The following EMCN variants were observed in gnomAD, a reference collection of about 807,000 sequenced individuals.
EMCN encodes MUC-14.
Under a neutral mutation model 38.4 loss-of-function variants are expected in EMCN, and 37 were observed. That is an observed-to-expected ratio of 0.96 (90% CI 0.74 to 1.27). EMCN has a LOEUF of 1.27. Among genes scored for constraint, EMCN ranks in the 50% most tolerant of loss-of-function variants. The probability of loss-of-function intolerance (pLI) is 0.00; values close to 1 mark genes in which losing one functional copy is unlikely to be tolerated. For missense variants in EMCN, 318 were observed against 302.8 expected (o/e 1.05, Z -0.37); for synonymous variants, 95 against 100.8 (o/e 0.94, Z 0.35).
intron 11 of EMCN, among the ~76,000 whole-genome samples, chr4:100,408,476 G>C (rs1361593481): frequency 6.6e-6 from 1 of 152,182 alleles, no homozygotes; most frequent in Non-Finnish European, 1.5e-5. Flanking sequence ...TGGTTTTACA[G>C]AGGAGTATAT....
intron 5 of EMCN, among the ~76,000 whole-genome samples, chr4:100,425,173 A>ACACACG (rs1248403694): frequency 2.6e-5 from 4 of 151,784 alleles, no homozygotes; most frequent in African/African-American, 4.8e-5. Flanking sequence ...ACACACACAC[A>ACACACG]CACACACACA....
chr4:100,423,695 A>G (rs185982308), intron 5 of EMCN, among the ~76,000 whole-genome samples: 71 of 152,272 alleles, frequency 4.7e-4, no homozygotes, highest in African/African-American at 1.7e-3. Flanking sequence ...AACCTACTGC[A>G]TAAGATTCTT....
chr4:100,475,630 G>T (rs1728616049), intron 2 of EMCN, among the ~76,000 whole-genome samples: 1 of 126,454 alleles, frequency 7.9e-6, no homozygotes, highest in Admixed American at 8.0e-5. Context: ...TTTGCTCTTT[G>T]CTCTTGAGGG....
Position 100,415,886 on chromosome 4 carries a change from C to T in EMCN, c.751+12G>A. The T allele has an allele frequency of 6.4e-7, 1 of 1,565,396 alleles. No individual in the cohort carries two copies. The highest frequency in any genetic ancestry group is 8.7e-7 in the Non-Finnish European group (1 of 1,154,188). On this transcript the variant is annotated intron_variant, in intron 10 of 11. Coordinates refer to ENST00000296420, the MANE Select transcript of EMCN (RefSeq NM_016242.4). ...ACTAATTTTCATCTAATCAACTTGT[C>T]TGGAAACTTACCAGACTCATGAGAA...
rs5860622 is a variant in EMCN at position 100,414,348 on chromosome 4, CTTTTTTTTTTTTT to C, written c.751+1537_751+1549del. On this transcript the variant is annotated intron_variant, in intron 10 of 11. Transcript: ENST00000296420. ...TGGTTCACATTAGGCTGCTTGAGCA[CTTTTTTTTTTTTT>C]TTTTTTTTTTTTTTTTGCCCTTTTC... Among the ~76,000 whole-genome samples the C allele has an allele frequency of 6.5e-4, 39 of 59,800 alleles. No homozygotes were observed. In the Middle Eastern group the frequency reaches 0.036, roughly 55 times the overall value. 39.2% of individuals were successfully genotyped at this position (59,800 alleles called of 152,430 possible). A position where few individuals can be genotyped will look rare whatever the true frequency, so the allele number is the denominator to read the frequency against.
chr4:100,497,669 C>G (rs1398499327), intron 1 of EMCN, among the ~76,000 whole-genome samples: 3 of 152,158 alleles, frequency 2.0e-5, no homozygotes, highest in Non-Finnish European at 2.9e-5. Flanking sequence ...AGCCACCGCT[C>G]CAGGCCCAAA....
At chr4:100,502,505 A>T (rs968580968) in intron 1 of EMCN, among the ~76,000 whole-genome samples, 86 of 152,160 alleles carry the variant, frequency 5.7e-4, no homozygotes, top group Non-Finnish European at 7.3e-5. Context: ...TTTCTTTTTA[A>T]CTCCTATATC....
chr4:100,498,081 G>C (rs1011031161), intron 1 of EMCN, among the ~76,000 whole-genome samples: 1 of 151,994 alleles, frequency 6.6e-6, no homozygotes, highest in African/African-American at 2.4e-5. Flanking sequence ...TTTTAAACAA[G>C]AGCAAAGTTG....
At chr4:100,484,650 TA>T (rs1409980670) in intron 1 of EMCN, among the ~76,000 whole-genome samples, 4 of 152,240 alleles carry the variant, frequency 2.6e-5, no homozygotes, top group Non-Finnish European at 4.4e-5. Context: ...AGTCTACACC[TA>T]AAGTCCAGTA....
At chr4:100,480,376 T>G (rs1021705556) in intron 1 of EMCN, among the ~76,000 whole-genome samples, 2 of 152,016 alleles carry the variant, frequency 1.3e-5, no homozygotes, top group Non-Finnish European at 2.9e-5. Context: ...AAATGGGCAC[T>G]CTCTGGGCAG....
chr4:100,441,972 C>T (rs2110237593), intron 5 of EMCN, among the ~76,000 whole-genome samples: 1 of 152,272 alleles, frequency 6.6e-6, no homozygotes, highest in East Asian at 1.9e-4. Flanking sequence ...TTTACCTCTT[C>T]AGTGAGTTTA....
intron 5 of EMCN, among the ~76,000 whole-genome samples, chr4:100,431,949 C>A (rs963111917): frequency 6.6e-6 from 1 of 152,076 alleles, no homozygotes; most frequent in African/African-American, 2.4e-5. Flanking sequence ...CACAATGGTC[C>A]ATTTTGCTCA....
At chr4:100,514,426 C>G (rs1484029788) in intron 1 of EMCN, among the ~76,000 whole-genome samples, 2 of 152,112 alleles carry the variant, frequency 1.3e-5, no homozygotes, top group African/African-American at 2.4e-5. Flanking sequence ...TTGACACACT[C>G]TCAGACTTGC....
chr4:100,450,830 T>C (rs1727819279), intron 4 of EMCN, among the ~76,000 whole-genome samples: 2 of 151,924 alleles, frequency 1.3e-5, no homozygotes, highest in Non-Finnish European at 1.5e-5. Flanking sequence ...GGGTGGGTAA[T>C]TAGATAAATT....
intron 1 of EMCN, among the ~76,000 whole-genome samples, chr4:100,512,665 G>C (rs1002020465): frequency 1.3e-5 from 2 of 152,056 alleles, no homozygotes; most frequent in African/African-American, 4.8e-5. Flanking sequence ...ATTTAGCTGG[G>C]CATGGTGGTG....
intron 4 of EMCN, among the ~76,000 whole-genome samples, chr4:100,453,457 G>C (rs374752361): frequency 2.6e-5 from 4 of 152,110 alleles, no homozygotes; most frequent in Non-Finnish European, 4.4e-5. Context: ...AAATGCAAAT[G>C]AAAACCACAA....
Position 100,441,890 on chromosome 4 carries a change from C to T in EMCN, c.415+5643G>A, listed in dbSNP as rs540955986. ...ATTTTTGACCATTTTGACATTTAAC[C>T]GTCATGCTAGAGATACACATGATTT... On this transcript the variant is annotated intron_variant, in intron 5 of 11. Transcript: ENST00000296420. Among the ~76,000 whole-genome samples the T allele has an allele frequency of 1.6e-4, 25 of 152,154 alleles. 1 individual carries two copies. In the East Asian group the frequency reaches 1.9e-3, roughly 12 times the overall value.
At chr4:100,408,751 G>T (rs1228837093) in intron 11 of EMCN, among the ~76,000 whole-genome samples, 3 of 152,116 alleles carry the variant, frequency 2.0e-5, no homozygotes, top group Non-Finnish European at 4.4e-5. Flanking sequence ...CAGCTTGGTG[G>T]CAGCAGGGGC....
rs188985525 is a variant in EMCN, at chr4:100,440,872, T to G, written c.415+6661A>C. Among the ~76,000 whole-genome samples the G allele has an allele frequency of 1.7e-3, 256 of 152,014 alleles. 1 individual carries two copies. The highest frequency in any genetic ancestry group is 5.9e-3 in the African/African-American group (243 of 41,448). On this transcript the variant is annotated intron_variant, in intron 5 of 11. Coordinates refer to ENST00000296420, the MANE Select transcript of EMCN (RefSeq NM_016242.4). ...AGGCCAAGGCAGGCAGATCATGAGG[T>G]CAGGAGATTGAGACCATCCTGGCTA...
Sources: allele counts gnomAD v4.1 joint callset (sites outside exome capture counted in the v4.1 genomes callset), GRCh38; gene constraint gnomAD v4.1.1; transcripts MANE v1.5; gene names NCBI Gene and HGNC (gene_info 2026-07-23, HGNC 2026-07-21).